Variants in SLC26A5 observed in about 807,000 individuals in gnomAD.
The protein encoded by SLC26A5 is prestin.
A neutral mutation model predicts 81.0 loss-of-function variants in SLC26A5; 51 were observed. The ratio of observed to expected loss-of-function variants is 0.63; its 90% confidence interval spans 0.50 to 0.80. SLC26A5 has a LOEUF of 0.80. SLC26A5 is among the 30% of genes least tolerant of loss of function. The pLI is 0.00. For missense variants in SLC26A5, 771 were observed against 905.8 expected, an observed-to-expected ratio of 0.85 and a Z score of 1.91; for synonymous variants, 325 against 332.8, an observed-to-expected ratio of 0.98 and a Z score of 0.25.
At chr7:103,418,595 A>C (rs183667816) in intron 4 of SLC26A5, among the ~76,000 whole-genome samples, 1 of 152,300 alleles carries the variant, frequency 6.6e-6, no homozygotes, top group East Asian at 1.9e-4. Flanking sequence ...ATCTGCTTTA[A>C]GATTTTGTAT....
intron 19 of SLC26A5, chr7:103,369,117 G>C (rs2116285797): frequency 6.6e-6 from 1 of 152,258 alleles, no homozygotes; most frequent in African/African-American, 2.4e-5. Context: ...TGACAACATA[G>C]AAAATGCTGC....
chr7:103,404,469 C>G (rs1457091112), intron 8 of SLC26A5, among the ~76,000 whole-genome samples: 1 of 152,106 alleles, frequency 6.6e-6, no homozygotes, highest in Non-Finnish European at 1.5e-5. Context: ...ATGTGAAATT[C>G]TGGTTTGAAA....
chr7:103,423,991 G>A (rs538335758), intron 2 of SLC26A5, among the ~76,000 whole-genome samples: 9 of 152,246 alleles, frequency 5.9e-5, no homozygotes, highest in African/African-American at 2.2e-4. Flanking sequence ...ATGTATGAGT[G>A]GAGTTTGACA....
chr7:103,420,862 T>A lies in SLC26A5; in HGVS notation c.168A>T (p.Lys56Asn), dbSNP rs763736398. Residue 56 changes from lysine (K) to asparagine (N), a missense_variant, in exon 4 of 20, where the codon AAA (lysine) becomes AAT (asparagine). By Grantham distance (94) the Lys-to-Asn change is moderately conservative (BLOSUM62 0). Transcript: ENST00000306312. ...GGAACATATAAATGATATTTCTTAT[T>A]TTTTTAGGAGTACATCTGAAAGGAC... Reference protein sequence around the residue: ...LKQAFTCTPKKIRNIIYMFLP... With the variant: ...LKQAFTCTPKNIRNIIYMFLP... The A allele has an allele frequency of 2.5e-6, 4 of 1,611,146 alleles. No homozygotes were observed. The African/African-American group carries it at 5.3e-5, about 22-fold the overall frequency.
At chr7:103,381,881 T>C (rs1005805908) in intron 14 of SLC26A5, among the ~76,000 whole-genome samples, 5 of 149,184 alleles carry the variant, frequency 3.4e-5, no homozygotes, top group African/African-American at 9.9e-5. Context: ...ATAATACACA[T>C]ACATACACAT....
At chr7:103,434,659 A>G (rs1273758966) in intron 2 of SLC26A5, among the ~76,000 whole-genome samples, 1 of 151,524 alleles carries the variant, frequency 6.6e-6, no homozygotes, top group Non-Finnish European at 1.5e-5. Flanking sequence ...TTATTTATTT[A>G]TTTATTTATT....
At position 103,412,985 on chromosome 7, in the gene SLC26A5, C is replaced by A; in HGVS notation, c.403+17G>T. 2.0e-6 allele frequency: 3 copies of A among 1,492,568 alleles called. No individual in the cohort carries two copies. In the South Asian group the frequency reaches 3.4e-5, roughly 17 times the overall value. The allele number at this position is 1,492,568 out of a possible 1,614,324, so 92.5% of individuals were successfully genotyped here. A position where few individuals can be genotyped will look rare whatever the true frequency, so the allele number is the denominator to read the frequency against. ...TACACAAGGAAAGGTAATAGAATATCAAATGTAAGCTTTTACCTATGGATA... is the reference window on the plus strand; with the variant it reads ...TACACAAGGAAAGGTAATAGAATATAAAATGTAAGCTTTTACCTATGGATA... On this transcript the variant is annotated intron_variant, in intron 5 of 19. Transcript: ENST00000306312.
chr7:103,430,364 C>T (rs1825986398), intron 2 of SLC26A5, among the ~76,000 whole-genome samples: 1 of 152,218 alleles, frequency 6.6e-6, no homozygotes, highest in Non-Finnish European at 1.5e-5. Context: ...CAGGCGTGAG[C>T]CAACGCGCCC....
At chr7:103,401,377 G>A (rs1333848269) in intron 8 of SLC26A5, among the ~76,000 whole-genome samples, 1 of 152,008 alleles carries the variant, frequency 6.6e-6, no homozygotes, top group Non-Finnish European at 1.5e-5. Flanking sequence ...TATTTTTGAT[G>A]TATAGGAATG....
In SLC26A5 at chr7:103,395,461, A is replaced by T. The variant is rs1306420180; in HGVS notation, c.972-2395T>A. Among the ~76,000 whole-genome samples, 6 of 141,558 alleles carry T rather than the reference A, an allele frequency of 4.2e-5. No homozygotes were observed. The East Asian group carries it at 1.0e-3, about 24-fold the overall frequency. The allele number at this position is 141,558 out of a possible 152,430, so 92.9% of individuals were successfully genotyped here. ...AGAAATTATAGTGACAAGTAGATTTATATATATATATACATATATATATAC... is the reference window on the plus strand; with the variant it reads ...AGAAATTATAGTGACAAGTAGATTTTTATATATATATACATATATATATAC... On this transcript the variant is annotated intron_variant, in intron 9 of 19. Coordinates refer to ENST00000306312, the MANE Select transcript of SLC26A5 (RefSeq NM_198999.3).
In SLC26A5 at chr7:103,376,860, A is replaced by G; in HGVS notation, c.1989T>C (p.Ile663=). 1 of 1,591,194 alleles carries G rather than the reference A, an allele frequency of 6.3e-7. No homozygotes were observed. The highest frequency in any genetic ancestry group is 1.1e-5 in the South Asian group (1 of 90,502). ...DSVGVKTLAG[I]VKEYGDVGIY... is the part of the protein sequence containing the mutation. ...TACCGACGTCTCCATATTCTTTTAC[A>G]ATCTGTAATAATGTTGAAATAAAAT... Residue 663 remains isoleucine, a splice_region_variant and synonymous_variant, in exon 19 of 20, where the codon ATT becomes ATC. Transcript: ENST00000306312.
At chr7:103,421,244 G>A (rs1825322169) in intron 3 of SLC26A5, 119 bp downstream of exon 3, 2 of 1,142,924 alleles carry the variant, frequency 1.7e-6, no homozygotes, top group African/African-American at 1.5e-5. Flanking sequence ...TGCAAACCAT[G>A]ATGGCTCAGC....
chr7:103,379,517 A>G (rs1821621368), intron 15 of SLC26A5, among the ~76,000 whole-genome samples, 182 bp from the exon 16 acceptor site: 1 of 152,054 alleles, frequency 6.6e-6, no homozygotes, highest in Admixed American at 6.6e-5. Context: ...AAGAAAAAAA[A>G]AGTCACTCTT....
chr7:103,374,475 G>A lies in SLC26A5; in HGVS notation c.2159C>T (p.Ala720Val). Residue 720 changes from alanine to valine, a missense_variant, in exon 20 of 20, where the codon GCT becomes GTT. Physicochemically the swap from Ala to Val is moderately conservative, Grantham distance 64. Coordinates refer to ENST00000306312, the MANE Select transcript of SLC26A5 (RefSeq NM_198999.3). ...VLGSQLREAL[A>V]EQEASAPPSQ... is the part of the protein sequence containing the mutation. The stretch of plus-strand genomic sequence containing the variant: ...AGGGGGAGCCGAGGCTTCCTGTTCA[G>A]CAAGTGCCTCTCTAAGTTGGCTGCC... 6.2e-7 allele frequency: 1 copy of A among 1,613,640 alleles called. No individual in the cohort carries two copies.
Position 103,367,474 on chromosome 7 carries a change from G to GTTGGAACC in SLC26A5, c.2041+9333_2041+9334insGGTTCCAA. 1 of 1,614,114 alleles carries GTTGGAACC rather than the reference G, an allele frequency of 6.2e-7. No individual in the cohort carries two copies. The highest frequency in any genetic ancestry group is 8.5e-7 in the Non-Finnish European group (1 of 1,180,016). On this transcript the variant is annotated intron_variant, in intron 19 of 19. Transcript: ENST00000339444. The surrounding 1 kb of genome is among the most constrained non-coding windows in gnomAD (Gnocchi z 6.1). ...AAGTGCAGAGAACAATGTTGGAACT[G>GTTGGAACC]ATCAATCAGCTTGATGGTTTTGATC...
In SLC26A5 at chr7:103,378,380, T is replaced by C. The variant is rs1160942424; in HGVS notation, c.1785+66A>G. On this transcript the variant is annotated intron_variant, in intron 17 of 19. Transcript: ENST00000306312. ...TCGTGCTGTGTTTAAACTTCAGTCA[T>C]GAGTAAAGATGGAGGGCATTGCAGA... The C allele has an allele frequency of 2.7e-6, 4 of 1,456,680 alleles. No individual in the cohort carries two copies. In the African/African-American group the frequency reaches 5.6e-5, roughly 20 times the overall value. 90.2% of individuals were successfully genotyped at this position (1,456,680 alleles called of 1,614,324 possible).
intron 15 of SLC26A5, 140 bp from the exon 16 acceptor site, chr7:103,379,475 A>C: frequency 1.9e-6 from 1 of 534,060 alleles, no homozygotes; most frequent in Non-Finnish European, 3.3e-6. Flanking sequence ...ATGATGTCAC[A>C]CACAGACCAA....
intron 7 of SLC26A5, among the ~76,000 whole-genome samples, chr7:103,409,091 C>G (rs969419461): frequency 6.6e-6 from 1 of 152,200 alleles, no homozygotes; most frequent in Non-Finnish European, 1.5e-5. Flanking sequence ...TTCCTAGACC[C>G]CTAATCTAAA....
In SLC26A5 at chr7:103,379,326, T is replaced by C. The variant is rs1300882994; in HGVS notation, c.1594A>G (p.Ile532Val). The change falls in exon 16 of 20, where the codon ATT (isoleucine) becomes GTT (valine). Residue 532 changes from isoleucine to valine, a missense_variant. Physicochemically the swap from Ile to Val is conservative, Grantham distance 29. Transcript: ENST00000306312. ...ATTTGAAATATTTTTATTCCAGGAA[T>C]TTCTTTCACCTGAAGAGTAAAATAT... ...DIDAYEEVKE[I>V]PGIKIFQINA... is the part of the protein sequence containing the mutation. 1 of 1,600,108 alleles carries C rather than the reference T, an allele frequency of 6.2e-7. No individual in the cohort carries two copies. The highest frequency in any genetic ancestry group is 8.6e-7 in the Non-Finnish European group (1 of 1,167,694).
Sources: gnomAD v4.1 joint callset for allele counts (sites outside exome capture counted in the v4.1 genomes callset) on GRCh38, gnomAD v4.1.1 for gene constraint, Gnocchi (gnomAD v3.1) non-coding constraint, MANE v1.5 for transcripts, NCBI Gene and HGNC (gene_info 2026-07-23, HGNC 2026-07-21) for gene names.